Variants in VPS8 observed in about 807,000 individuals in gnomAD.
VPS8 encodes VPS8 subunit of CORVET complex.
Under a neutral mutation model 216.4 loss-of-function variants are expected in VPS8, and 129 were observed. The observed-to-expected ratio is 0.60, with a 90% CI of 0.52 to 0.69. The LOEUF is 0.69. Ranked by LOEUF, VPS8 falls within the 30% of genes least tolerant of loss-of-function variation. The pLI, the probability that VPS8 is intolerant of heterozygous loss-of-function variation, is 0.00. For missense variants in VPS8, 1,531 were observed against 1,683.5 expected, an observed-to-expected ratio of 0.91 and a Z score of 1.59; for synonymous variants, 571 against 565.4, an observed-to-expected ratio of 1.01 and a Z score of -0.14.
intron 36 of VPS8, among the ~76,000 whole-genome samples, chr3:184,945,134 C>T (rs1053786042): frequency 6.6e-6 from 1 of 151,742 alleles, no homozygotes; most frequent in African/African-American, 2.4e-5. Context: ...CTCCTAATCA[C>T]CAGTCAGCTC....
intron 16 of VPS8, among the ~76,000 whole-genome samples, chr3:184,865,996 A>G (rs929930847): frequency 9.9e-5 from 15 of 151,960 alleles, no homozygotes; most frequent in Non-Finnish European, 1.5e-4. Context: ...TTAAAAAAAA[A>G]AAAAAAGTTA....
intron 45 of VPS8, among the ~76,000 whole-genome samples, chr3:185,013,169 C>G (rs1338387260): frequency 6.6e-6 from 1 of 152,192 alleles, no homozygotes; most frequent in African/African-American, 2.4e-5. Context: ...CTGGTAAATC[C>G]ACAACCTTCC....
intron 21 of VPS8, among the ~76,000 whole-genome samples, chr3:184,882,007 T>A (rs952447734): frequency 3.9e-5 from 6 of 151,974 alleles, no homozygotes; most frequent in Admixed American, 3.9e-4. Flanking sequence ...ATGTGGACAC[T>A]CATGTCATCT....
At position 184,854,281 on chromosome 3, in the gene VPS8, G is replaced by A. The variant is rs117331530; in HGVS notation, c.1035+108G>A. 6.5e-4 allele frequency: 826 copies of A among 1,261,428 alleles called. 12 individuals carry two copies. In the East Asian group the frequency reaches 0.016, roughly 25 times the overall value. The allele number at this position is 1,261,428 out of a possible 1,614,324, so 78.1% of individuals were successfully genotyped here. ...TATGAGATTGTCAGAAAACTAGACA[G>A]GATGAAAGTCAGTGCTCCAGAGATC... On this transcript the variant is annotated intron_variant, in intron 13 of 47. Coordinates refer to ENST00000625842, the MANE Select transcript of VPS8 (RefSeq NM_001009921.3).
chr3:185,032,144 A>T (rs138958045), intron 46 of VPS8, among the ~76,000 whole-genome samples: 92 of 152,248 alleles, frequency 6.0e-4, no homozygotes, highest in African/African-American at 2.1e-3. Context: ...AGCCTGGACA[A>T]CAGAGCGAGA....
At chr3:184,902,794 T>C (rs1734793008) in intron 25 of VPS8, among the ~76,000 whole-genome samples, 2 of 150,484 alleles carry the variant, frequency 1.3e-5, no homozygotes, top group African/African-American at 2.5e-5. Context: ...CGCGCCACTG[T>C]ACTCTAGCTG....
chr3:184,877,602 A>G (rs1729504820), intron 21 of VPS8, among the ~76,000 whole-genome samples: 1 of 152,134 alleles, frequency 6.6e-6, no homozygotes, highest in South Asian at 2.1e-4. Context: ...CATTTTCCAG[A>G]GGAAATAGAC....
At chr3:184,982,918 G>T in intron 41 of VPS8, 94 bp from the exon 42 acceptor site, 1 of 1,126,502 alleles carries the variant, frequency 8.9e-7, no homozygotes, top group Admixed American at 3.3e-5. Flanking sequence ...TTTCTAAGAA[G>T]CTATATAAAT....
chr3:184,982,388 CTTT>C (rs35123541), intron 40 of VPS8, 175 bp from the exon 41 acceptor site: 1,328 of 474,398 alleles, frequency 2.8e-3, no homozygotes, highest in Non-Finnish European at 3.3e-3. Context: ...TTTGTATTGT[CTTT>C]TTTTTTTTTT....
chr3:184,930,549 A>T lies in VPS8; in HGVS notation c.2879A>T (p.Lys960Ile), dbSNP rs1400127586. 6.2e-7 allele frequency: 1 copy of T among 1,612,948 alleles called. No individual in the cohort carries two copies. ...SAEEKQSVWQ[K>I]AMDHIEELVS... ...GAGGAGAAGCAGTCTGTATGGCAGA[A>T]AGCAATGGATCATATTGAGGTACTG... The change falls in exon 34 of 48, where the codon AAA (lysine) becomes ATA (isoleucine). Residue 960 changes from lysine to isoleucine, a missense_variant. Transcript: ENST00000625842.
intron 4 of VPS8, 38 bp from the exon 5 acceptor site, chr3:184,834,611 T>G (rs1577794190): frequency 6.7e-7 from 1 of 1,490,266 alleles, no homozygotes; most frequent in East Asian, 2.5e-5. Context: ...TTTCACTATT[T>G]TTATCTGTTT....
rs865959994 is a variant in VPS8 at position 185,016,832 on chromosome 3, T to C, written c.4003-7504T>C. 6.6e-5 allele frequency among the ~76,000 whole-genome samples: 10 copies of C among 152,282 alleles called. No homozygotes were observed. In the South Asian group the frequency reaches 8.3e-4, roughly 13 times the overall value. On this transcript the variant is annotated intron_variant, in intron 45 of 47. Transcript: ENST00000625842. ...TTCAGTAACTAATTTCTCTAAAGCCTCCAGTTTCTCTTTCTTAGCGGCCAT... is the reference window on the plus strand; with the variant it reads ...TTCAGTAACTAATTTCTCTAAAGCCCCCAGTTTCTCTTTCTTAGCGGCCAT...
At chr3:184,816,634 G>A (rs535357597) in intron 1 of VPS8, among the ~76,000 whole-genome samples, 6 of 152,196 alleles carry the variant, frequency 3.9e-5, no homozygotes, top group Admixed American at 2.0e-4. Context: ...TGAATAAGGT[G>A]AAAATTGAGT....
At chr3:184,884,051 T>C (rs1730739569) in intron 21 of VPS8, among the ~76,000 whole-genome samples, 1 of 152,158 alleles carries the variant, frequency 6.6e-6, no homozygotes, top group Non-Finnish European at 1.5e-5. Flanking sequence ...TTCTTTCAAG[T>C]ATCTGAGGAG....
intron 7 of VPS8, among the ~76,000 whole-genome samples, chr3:184,841,635 G>T (rs1019934394): frequency 1.3e-5 from 2 of 152,140 alleles, no homozygotes; most frequent in African/African-American, 4.8e-5. Flanking sequence ...ATCATCTAAT[G>T]GCCCCCTAGA....
At chr3:184,927,570 T>C (rs1739885304) in intron 31 of VPS8, among the ~76,000 whole-genome samples, 1 of 152,058 alleles carries the variant, frequency 6.6e-6, no homozygotes, top group African/African-American at 2.4e-5. Flanking sequence ...TTGTTTGCTT[T>C]TTATTGTGGT....
rs566552767 is a variant in VPS8, at chr3:184,886,467, A to G, written c.1781+311A>G. Among the ~76,000 whole-genome samples the G allele has an allele frequency of 3.3e-5, 5 of 151,902 alleles. No homozygotes were observed. In the South Asian group the frequency reaches 1.0e-3, roughly 32 times the overall value. Reference sequence around the variant, plus strand: ...TGTATGATTCATTATATGTATATATATATACACACACACACGCATATATAC... The same window carrying G: ...TGTATGATTCATTATATGTATATATGTATACACACACACACGCATATATAC... On this transcript the variant is annotated intron_variant, in intron 22 of 47. Coordinates refer to ENST00000625842, the MANE Select transcript of VPS8 (RefSeq NM_001009921.3).
chr3:184,928,881 G>A (rs564088899), intron 32 of VPS8, among the ~76,000 whole-genome samples: 71 of 152,068 alleles, frequency 4.7e-4, no homozygotes, highest in Non-Finnish European at 8.1e-4. Flanking sequence ...AGTATTTGAC[G>A]TAGTAAATAA....
Position 184,930,578 on chromosome 3 carries a change from C to G in VPS8, c.2898+10C>G. 9.4e-6 allele frequency: 15 copies of G among 1,593,442 alleles called. No individual in the cohort carries two copies. Among genetic ancestry groups the G allele is most frequent in the Non-Finnish European group, 1.3e-5 (15 of 1,161,762 alleles). Reference sequence around the variant, plus strand: ...AATGGATCATATTGAGGTACTGATGCGCAAAACTTCACACTTCACCATCTG... The same window carrying G: ...AATGGATCATATTGAGGTACTGATGGGCAAAACTTCACACTTCACCATCTG... On this transcript the variant is annotated intron_variant, in intron 34 of 47. Coordinates refer to ENST00000625842, the MANE Select transcript of VPS8 (RefSeq NM_001009921.3).
Sources: gnomAD v4.1 joint callset for allele counts (sites outside exome capture counted in the v4.1 genomes callset) on GRCh38, gnomAD v4.1.1 for gene constraint, MANE v1.5 for transcripts, NCBI Gene and HGNC (gene_info 2026-07-23, HGNC 2026-07-21) for gene names.